PRKCE: variants seen among roughly 807,000 people sequenced by gnomAD.
PRKCE encodes the protein protein kinase C epsilon.
A neutral mutation model predicts 85.4 loss-of-function variants in PRKCE; 16 were observed. That is an observed-to-expected ratio of 0.19 (90% CI 0.13 to 0.28). The LOEUF is 0.28. PRKCE is among the 10% of genes least tolerant of loss of function. The pLI, the probability that PRKCE is intolerant of heterozygous loss-of-function variation, is 1.00. For synonymous variants in PRKCE, 388 were observed against 371.5 expected, an observed-to-expected ratio of 1.04 and a Z score of -0.51; for missense variants, 573 against 975.2, an observed-to-expected ratio of 0.59 and a Z score of 5.49.
intron 1 of PRKCE, among the ~76,000 whole-genome samples, chr2:45,836,139 A>G (rs576041710): frequency 6.6e-6 from 1 of 152,344 alleles, no homozygotes; most frequent in East Asian, 1.9e-4. Flanking sequence ...CAATAAGCCA[A>G]CATGTAGAAA....
intron 1 of PRKCE, among the ~76,000 whole-genome samples, chr2:45,710,274 A>G (rs6709673): frequency 0.83 from 125,649 of 151,810 alleles, 52,106 homozygotes; most frequent in East Asian, 0.94. Flanking sequence ...TAAGGAACAC[A>G]TCCCCAGTTT....
intron 1 of PRKCE, among the ~76,000 whole-genome samples, chr2:45,726,581 C>T (rs1488005468): frequency 6.6e-6 from 1 of 152,178 alleles, no homozygotes; most frequent in Non-Finnish European, 1.5e-5. Flanking sequence ...CAATAGACTA[C>T]ATATAGTGTA....
intron 1 of PRKCE, among the ~76,000 whole-genome samples, chr2:45,833,828 G>T (rs994631367): frequency 6.6e-6 from 1 of 152,108 alleles, no homozygotes; most frequent in East Asian, 1.9e-4. Context: ...AGAATGCTTG[G>T]GTAGGTGGCT....
chr2:45,785,061 T>C lies in PRKCE; in HGVS notation c.349-57939T>C, dbSNP rs1043012010. Among the ~76,000 whole-genome samples, 3 of 152,338 alleles carry C rather than the reference T, an allele frequency of 2.0e-5. No individual in the cohort carries two copies. The East Asian group carries it at 5.8e-4, about 29-fold the overall frequency. ...GTCATTACCATCTCTCTAATACTTA[T>C]CACCCTCTTCACACAGAGGCAGAGG... On this transcript the variant is annotated intron_variant, in intron 1 of 14. Coordinates refer to ENST00000306156, the MANE Select transcript of PRKCE (RefSeq NM_005400.3).
chr2:45,666,377 C>T (rs1168294968), intron 1 of PRKCE, among the ~76,000 whole-genome samples: 1 of 152,010 alleles, frequency 6.6e-6, no homozygotes, highest in Non-Finnish European at 1.5e-5. Context: ...CAGTTGCCTA[C>T]ATAGTGAAGT....
At chr2:45,779,338 C>G (rs540381935) in intron 1 of PRKCE, among the ~76,000 whole-genome samples, 11 of 152,036 alleles carry the variant, frequency 7.2e-5, no homozygotes, top group Non-Finnish European at 1.0e-4. Flanking sequence ...AGCTAGGATT[C>G]GAAAGGTGGC....
intron 10 of PRKCE, among the ~76,000 whole-genome samples, chr2:46,048,678 G>A (rs1708673249): frequency 6.6e-6 from 1 of 152,156 alleles, no homozygotes; most frequent in South Asian, 2.1e-4. Context: ...ATGGGTTCTG[G>A]CCAGTTCTCT....
intron 1 of PRKCE, among the ~76,000 whole-genome samples, chr2:45,823,688 TC>T (rs1368679697): frequency 6.6e-6 from 1 of 152,208 alleles, no homozygotes; most frequent in Non-Finnish European, 1.5e-5. Context: ...GAGAGCAGCT[TC>T]CATCTGCCTG....
At chr2:45,863,801 T>C (rs1347171752) in intron 2 of PRKCE, among the ~76,000 whole-genome samples, 1 of 151,210 alleles carries the variant, frequency 6.6e-6, no homozygotes, top group African/African-American at 2.4e-5. Context: ...TTCATCTGGG[T>C]GTGTAGGAGA....
chr2:45,705,356 T>G (rs1327125078), intron 1 of PRKCE, among the ~76,000 whole-genome samples: 1 of 152,186 alleles, frequency 6.6e-6, no homozygotes, highest in Non-Finnish European at 1.5e-5. Context: ...TAAACTCACC[T>G]TTGGGCTGAA....
At chr2:45,839,051 T>C (rs900376992) in intron 1 of PRKCE, among the ~76,000 whole-genome samples, 1 of 152,104 alleles carries the variant, frequency 6.6e-6, no homozygotes, top group African/African-American at 2.4e-5. Flanking sequence ...AGAGGGTAGC[T>C]GCTTGCTTCA....
chr2:45,778,791 G>A (rs1685957619), intron 1 of PRKCE, among the ~76,000 whole-genome samples: 1 of 152,134 alleles, frequency 6.6e-6, no homozygotes, highest in African/African-American at 2.4e-5. Flanking sequence ...GCCACCTAGT[G>A]GGAGCTCAAG....
rs1179957781 is a variant in PRKCE at position 46,151,345 on chromosome 2, C to T, written c.1920+116C>T. On this transcript the variant is annotated intron_variant, in intron 13 of 14. Transcript: ENST00000306156. ...CACACTCCCTTCTCCCTTTCTCTGT[C>T]CAGCTTTCTCCCTCCCACCTCTGCT... 4.6e-6 allele frequency: 5 copies of T among 1,096,026 alleles called. No individual in the cohort carries two copies. In the East Asian group the frequency reaches 1.3e-4, roughly 29 times the overall value. The allele number at this position is 1,096,026 out of a possible 1,614,324, so 67.9% of individuals were successfully genotyped here. A position where few individuals can be genotyped will look rare whatever the true frequency, so the allele number is the denominator to read the frequency against.
chr2:46,048,168 A>T (rs1708641345), intron 10 of PRKCE, among the ~76,000 whole-genome samples: 1 of 147,384 alleles, frequency 6.8e-6, no homozygotes, highest in Non-Finnish European at 1.5e-5. Flanking sequence ...CACTTAGGGG[A>T]AAAGGAGAAC....
At position 46,123,608 on chromosome 2, in the gene PRKCE, C is replaced by A. The variant is rs117348484; in HGVS notation, c.1593-21485C>A. Among the ~76,000 whole-genome samples, 11 of 152,318 alleles carry A rather than the reference C, an allele frequency of 7.2e-5. No individual in the cohort carries two copies. In the East Asian group the frequency reaches 1.4e-3, roughly 19 times the overall value. ...GGTTCAAGCAATTCTCATGCCCCAACCTCCCAGGTAACTGGAACTACAGGC... is the reference window on the plus strand; with the variant it reads ...GGTTCAAGCAATTCTCATGCCCCAAACTCCCAGGTAACTGGAACTACAGGC... On this transcript the variant is annotated intron_variant, in intron 11 of 14. Transcript: ENST00000306156.
At chr2:46,045,251 A>G (rs1708449268) in intron 10 of PRKCE, among the ~76,000 whole-genome samples, 2 of 152,180 alleles carry the variant, frequency 1.3e-5, no homozygotes, top group African/African-American at 4.8e-5. Context: ...ACATACATAC[A>G]CCCTCATGTG....
intron 2 of PRKCE, among the ~76,000 whole-genome samples, chr2:45,962,568 ATG>A (rs1482554102): frequency 2.0e-5 from 3 of 152,158 alleles, no homozygotes; most frequent in Non-Finnish European, 2.9e-5. Context: ...CATTTAGCTG[ATG>A]TTTCTCTTGG....
intron 1 of PRKCE, among the ~76,000 whole-genome samples, chr2:45,840,043 G>T (rs1691219429): frequency 6.6e-6 from 1 of 152,100 alleles, no homozygotes; most frequent in Non-Finnish European, 1.5e-5. Flanking sequence ...CTCCCCTTTT[G>T]CAAAGATGGG....
chr2:46,082,737 C>A (rs556399918), intron 10 of PRKCE, among the ~76,000 whole-genome samples: 3 of 152,220 alleles, frequency 2.0e-5, no homozygotes, highest in South Asian at 2.1e-4. Context: ...AGGGGGGAAG[C>A]CTGAAAGCCA....
Sources: allele counts gnomAD v4.1 joint callset (sites outside exome capture counted in the v4.1 genomes callset), GRCh38; gene constraint gnomAD v4.1.1; transcripts MANE v1.5; gene names NCBI Gene and HGNC (gene_info 2026-07-23, HGNC 2026-07-21).